Variants in ANKRD30A observed in about 807,000 individuals in gnomAD.
ANKRD30A encodes ankyrin repeat domain 30A, also known as ankyrin repeat domain-containing protein 30A.
In ANKRD30A, 170 loss-of-function variants were observed where a neutral mutation model predicts 166.3. The ratio of observed to expected loss-of-function variants is 1.02; its 90% CI spans 0.90 to 1.16. The LOEUF is 1.16. Among genes scored for constraint, ANKRD30A ranks in the 50% most tolerant of loss-of-function variants. The pLI is 0.00. For missense variants in ANKRD30A, 1,630 were observed against 1,518.0 expected (o/e 1.07, Z -1.23); for synonymous variants, 564 against 508.9 (o/e 1.11, Z -1.46).
At chr10:37,221,790 C>T (rs895219859) in intron 34 of ANKRD30A, among the ~76,000 whole-genome samples, 2 of 151,020 alleles carry the variant, frequency 1.3e-5, no homozygotes, top group South Asian at 2.1e-4. Flanking sequence ...GTTACCATGG[C>T]GAGGCAAGCC....
chr10:37,201,348 A>T lies in ANKRD30A; in HGVS notation c.2869+23A>T. ...AAGGTAAGAACCATCTTTTATTTAA[A>T]AGGTCATTTGACCAAGTATTTCTCT... On this transcript the variant is annotated intron_variant, in intron 31 of 35. Coordinates refer to ENST00000361713, the MANE Select transcript of ANKRD30A (RefSeq NM_052997.3). 3.3e-6 allele frequency: 5 copies of T among 1,515,014 alleles called. No individual in the cohort carries two copies. The African/African-American group carries it at 7.0e-5, about 21-fold the overall frequency. The allele number at this position is 1,515,014 out of a possible 1,614,324, so 93.8% of individuals were successfully genotyped here. A position where few individuals can be genotyped will look rare whatever the true frequency, so the allele number is the denominator to read the frequency against.
chr10:37,242,689 C>CA, the ANKRD30A span, among the ~76,000 whole-genome samples: 1 of 152,174 alleles, frequency 6.6e-6, no homozygotes, highest in Middle Eastern at 3.4e-3. Flanking sequence ...CATGGTATTA[C>CA]AAAAAAATGA....
intron 35 of ANKRD30A, among the ~76,000 whole-genome samples, 175 bp from the exon 36 acceptor site, chr10:37,232,324 G>T (rs1588968623): frequency 6.6e-6 from 1 of 150,478 alleles, no homozygotes; most frequent in African/African-American, 2.4e-5. Flanking sequence ...GTCTATTATT[G>T]CTGTGCAATT....
intron 29 of ANKRD30A, 71 bp downstream of exon 29, chr10:37,197,551 C>T: frequency 6.2e-7 from 1 of 1,601,178 alleles, no homozygotes; most frequent in Non-Finnish European, 8.5e-7. Context: ...CTTTCTATCC[C>T]CAATGCTTTA....
intron 33 of ANKRD30A, among the ~76,000 whole-genome samples, chr10:37,218,610 T>C (rs1842719905): frequency 6.6e-6 from 1 of 151,080 alleles, no homozygotes; most frequent in Admixed American, 6.6e-5. Context: ...ACTAAGATTC[T>C]TAGTATATGT....
intron 13 of ANKRD30A, among the ~76,000 whole-genome samples, chr10:37,157,725 G>A (rs575390323): frequency 2.6e-5 from 4 of 152,210 alleles, no homozygotes; most frequent in South Asian, 2.1e-4. Context: ...AGTGGATCAG[G>A]AAATTTTAAG....
At chr10:37,239,337 T>C in the ANKRD30A span, among the ~76,000 whole-genome samples, 1 of 152,236 alleles carries the variant, frequency 6.6e-6, no homozygotes, top group East Asian at 1.9e-4. Context: ...TCAATCAAAT[T>C]TTCTGAAATC....
chr10:37,209,659 A>G (rs1842176297), intron 31 of ANKRD30A, among the ~76,000 whole-genome samples: 1 of 152,092 alleles, frequency 6.6e-6, no homozygotes, highest in Non-Finnish European at 1.5e-5. Flanking sequence ...TTAGGAGTAG[A>G]GTTTGTTTAG....
chr10:37,132,535 C>T (rs573526608), intron 4 of ANKRD30A, among the ~76,000 whole-genome samples, 189 bp downstream of exon 4: 2 of 152,212 alleles, frequency 1.3e-5, no homozygotes, highest in African/African-American at 4.8e-5. Context: ...TAGGACTTCT[C>T]TTATTATATT....
the ANKRD30A span, among the ~76,000 whole-genome samples, chr10:37,249,750 T>C: frequency 6.6e-6 from 1 of 152,168 alleles, no homozygotes; most frequent in East Asian, 1.9e-4. Flanking sequence ...TGGGGAAGTT[T>C]AGGAAGGCAG....
chr10:37,139,049 A>G (rs1405159018), intron 6 of ANKRD30A, among the ~76,000 whole-genome samples: 2 of 152,248 alleles, frequency 1.3e-5, no homozygotes, highest in Non-Finnish European at 2.9e-5. Context: ...GCTACAAGCC[A>G]GAAGAGAGTG....
intron 11 of ANKRD30A, among the ~76,000 whole-genome samples, chr10:37,150,975 C>G (rs1413173542): frequency 6.7e-6 from 1 of 148,936 alleles, no homozygotes; most frequent in Non-Finnish European, 1.5e-5. Flanking sequence ...CCAGGGTACG[C>G]TTCTAAAAAT....
the ANKRD30A span, among the ~76,000 whole-genome samples, chr10:37,247,593 C>T: frequency 2.0e-5 from 3 of 151,594 alleles, no homozygotes; most frequent in Non-Finnish European, 2.9e-5. Context: ...ATAACTAGGC[C>T]GGGCACAGTG....
intron 24 of ANKRD30A, among the ~76,000 whole-genome samples, chr10:37,177,974 G>A (rs1588866954): frequency 6.7e-6 from 1 of 150,240 alleles, no homozygotes; most frequent in East Asian, 2.0e-4. Context: ...TTAAATTCAA[G>A]ATATTCCAAG....
At chr10:37,232,436 T>C (rs994903998) in intron 35 of ANKRD30A, 63 bp from the exon 36 acceptor site, 1 of 150,952 alleles carries the variant, frequency 6.6e-6, no homozygotes, top group Middle Eastern at 3.2e-3. Context: ...AATACGGCGA[T>C]GATATTGAGT....
chr10:37,263,095 T>G, the ANKRD30A span, among the ~76,000 whole-genome samples: 1 of 152,182 alleles, frequency 6.6e-6, no homozygotes, highest in Non-Finnish European at 1.5e-5. Context: ...TCTCTTATTT[T>G]AGACATTTTC....
intron 31 of ANKRD30A, among the ~76,000 whole-genome samples, chr10:37,213,361 A>T (rs145511627): frequency 0.02 from 3,076 of 151,856 alleles, 49 homozygotes; most frequent in Middle Eastern, 0.031. Flanking sequence ...TATTTCTATC[A>T]GGGCATTAAT....
chr10:37,179,013 AATATATATATATATATATATATAT>A (rs139390228), intron 24 of ANKRD30A, among the ~76,000 whole-genome samples: 29,825 of 118,300 alleles, frequency 0.25, 1,681 homozygotes, highest in Admixed American at 0.32. Flanking sequence ...TGAGGCGTCA[AATATATATATATATATATATATAT>A]ATATATATAT....
chr10:37,242,316 A>G, the ANKRD30A span, among the ~76,000 whole-genome samples: 2 of 152,182 alleles, frequency 1.3e-5, no homozygotes, highest in African/African-American at 4.8e-5. Flanking sequence ...ATTGCATCCT[A>G]TCATTGGACC....
Sources: gnomAD v4.1 joint callset for allele counts (sites outside exome capture counted in the v4.1 genomes callset) on GRCh38, gnomAD v4.1.1 for gene constraint, MANE v1.5 for transcripts, NCBI Gene and HGNC (gene_info 2026-07-23, HGNC 2026-07-21) for gene names.